CEP63: variants seen among roughly 807,000 people sequenced by gnomAD.
CEP63 encodes the protein centrosomal protein of 63 kDa.
In CEP63, 84 loss-of-function variants were observed where a neutral mutation model predicts 89.1. The observed-to-expected ratio is 0.94, with a 90% CI of 0.79 to 1.13. The LOEUF is 1.13. Ranked by LOEUF, CEP63 falls within the 50% of genes most tolerant of loss-of-function variation. CEP63 has a pLI of 0.00. For missense variants in CEP63, 838 were observed against 813.3 expected (o/e 1.03, Z -0.37); for synonymous variants, 267 against 272.5 (o/e 0.98, Z 0.20).
the CEP63 span, among the ~76,000 whole-genome samples, chr3:134,727,923 A>G: frequency 6.6e-6 from 1 of 152,174 alleles, no homozygotes; most frequent in Non-Finnish European, 1.5e-5. Flanking sequence ...TCTTCCCTAC[A>G]GATCTAAAAA....
At chr3:134,736,210 T>C in the CEP63 span, among the ~76,000 whole-genome samples, 1 of 152,142 alleles carries the variant, frequency 6.6e-6, no homozygotes, top group African/African-American at 2.4e-5. Flanking sequence ...ATACGGAATA[T>C]GTATGTATGT....
chr3:134,740,383 C>T, the CEP63 span, among the ~76,000 whole-genome samples: 3,252 of 151,844 alleles, frequency 0.021, 113 homozygotes, highest in African/African-American at 0.074. Flanking sequence ...CTGCAAGCTC[C>T]GCTTCCCGGG....
chr3:134,490,437 A>G (rs1229964516), intron 1 of CEP63, among the ~76,000 whole-genome samples: 1 of 152,098 alleles, frequency 6.6e-6, no homozygotes, highest in East Asian at 1.9e-4. Context: ...TTTCTTTGCA[A>G]CTGTCTTTTA....
chr3:134,735,943 C>A, the CEP63 span, among the ~76,000 whole-genome samples: 46 of 152,010 alleles, frequency 3.0e-4, no homozygotes, highest in South Asian at 9.5e-3. Flanking sequence ...CGATACTAAA[C>A]AAGATAAGGA....
the CEP63 span, chr3:134,603,392 C>T: frequency 3.6e-6 from 2 of 558,928 alleles, no homozygotes; most frequent in East Asian, 2.9e-5. Flanking sequence ...GTCACAGCCA[C>T]ACCTGAGTGA....
At chr3:134,672,408 T>C in the CEP63 span, among the ~76,000 whole-genome samples, 1 of 152,222 alleles carries the variant, frequency 6.6e-6, no homozygotes, top group East Asian at 1.9e-4. Flanking sequence ...AGAAACATTT[T>C]GCTAGCTTAG....
chr3:134,561,344 A>G (rs749699570), intron 14 of CEP63, 33 bp from the exon 15 acceptor site: 1 of 1,567,094 alleles, frequency 6.4e-7, no homozygotes. Context: ...TATTCTACTT[A>G]TTTACACATG....
chr3:134,494,905 A>G lies in CEP63; in HGVS notation c.-25-391A>G, dbSNP rs562217964. Among the ~76,000 whole-genome samples the G allele has an allele frequency of 2.6e-5, 4 of 152,250 alleles. No individual in the cohort carries two copies. In the East Asian group the frequency reaches 7.7e-4, roughly 29 times the overall value. On this transcript the variant is annotated intron_variant, in intron 1 of 14. Transcript: ENST00000675561. Reference sequence around the variant, plus strand: ...TTTTATACTATCTCTTTAATTTTTAAAAAGCTATACTTTCCCTCTGACATG... The same window carrying G: ...TTTTATACTATCTCTTTAATTTTTAGAAAGCTATACTTTCCCTCTGACATG...
chr3:134,587,222 G>T (rs55940445), intron 10 of CEP63, among the ~76,000 whole-genome samples: 50,493 of 151,802 alleles, frequency 0.33, 8,709 homozygotes, highest in African/African-American at 0.41. Flanking sequence ...TCTCTGTCCA[G>T]TTTTTTTCCG....
chr3:134,557,399 T>G, intron 12 of CEP63, among the ~76,000 whole-genome samples: 1 of 137,026 alleles, frequency 7.3e-6, no homozygotes, highest in Non-Finnish European at 1.6e-5. Flanking sequence ...TTTTTTTTTT[T>G]TTTTTACAGA....
At chr3:134,604,494 G>A in the CEP63 span, 1 of 1,588,582 alleles carries the variant, frequency 6.3e-7, no homozygotes, top group Admixed American at 1.7e-5. Context: ...GAAAGTCAGG[G>A]TCAGCAGAGA....
intron 1 of CEP63, among the ~76,000 whole-genome samples, chr3:134,490,647 T>TCCCATAAAACAAGTA (rs55666847): frequency 0.66 from 99,173 of 150,610 alleles, 33,109 homozygotes; most frequent in East Asian, 0.81. Context: ...TTAGCATAAT[T>TCCCATAAAACAAGTA]CCCATAAAAC....
the CEP63 span, chr3:134,607,674 C>A: frequency 1.0e-6 from 1 of 985,750 alleles, no homozygotes. Context: ...CAGTTCTGGC[C>A]CTCCAGGGCA....
At chr3:134,589,908 T>G (rs928762187), downstream of CEP63, among the ~76,000 whole-genome samples, 1 of 152,336 alleles carries the variant, frequency 6.6e-6, no homozygotes, top group East Asian at 1.9e-4. Context: ...CATGGAATAC[T>G]ATGAAGCCAT....
the CEP63 span, among the ~76,000 whole-genome samples, chr3:134,658,762 C>G: frequency 0.015 from 2,284 of 152,310 alleles, 59 homozygotes; most frequent in African/African-American, 0.052. Flanking sequence ...ACAGAACCAT[C>G]TGGAGCATGA....
the CEP63 span, among the ~76,000 whole-genome samples, chr3:134,698,592 G>A: frequency 6.6e-6 from 1 of 152,186 alleles, no homozygotes. Context: ...AGATTATTGA[G>A]AGGTGGCTCC....
intron 3 of CEP63, among the ~76,000 whole-genome samples, chr3:134,509,994 G>A (rs1944454777): frequency 1.3e-5 from 2 of 152,144 alleles, no homozygotes; most frequent in Non-Finnish European, 2.9e-5. Flanking sequence ...GAAGTCTCAG[G>A]TTATTAAGAA....
the CEP63 span, among the ~76,000 whole-genome samples, chr3:134,746,426 G>C: frequency 8.5e-5 from 13 of 152,150 alleles, no homozygotes; most frequent in Non-Finnish European, 4.4e-5. Context: ...TAATCCTTTG[G>C]GTATATGCTC....
At position 134,486,123 on chromosome 3, in the gene CEP63, C is replaced by T. The variant is rs938512075; in HGVS notation, c.-105C>T. ...GTTTCAATTATTAAAAGTGTGGGGG[C>T]AGTGGGCGGAACAAACGCGCCGACT... On this transcript the variant is annotated 5_prime_UTR_variant, in exon 1 of 15. Coordinates refer to ENST00000675561, the MANE Select transcript of CEP63 (RefSeq NM_001353108.3). 9 of 985,396 alleles carry T rather than the reference C, an allele frequency of 9.1e-6. No homozygotes were observed. Among genetic ancestry groups the T allele is most frequent in the Non-Finnish European group, 9.6e-6 (8 of 830,024 alleles). The allele number at this position is 985,396 out of a possible 1,614,324, so 61.0% of individuals were successfully genotyped here.
Sources: allele counts gnomAD v4.1 joint callset (sites outside exome capture counted in the v4.1 genomes callset), GRCh38; gene constraint gnomAD v4.1.1; transcripts MANE v1.5; gene names NCBI Gene and HGNC (gene_info 2026-07-23, HGNC 2026-07-21).